Variants in PLCB1 observed in about 807,000 individuals in gnomAD.
PLCB1 encodes phospholipase C beta 1.
Under a neutral mutation model 161.8 loss-of-function variants are expected in PLCB1, and 46 were observed. The observed-to-expected ratio is 0.28, with a 90% CI of 0.22 to 0.36. PLCB1 has a LOEUF of 0.36. Ranked by LOEUF, PLCB1 falls within the 10% of genes least tolerant of loss-of-function variation. The pLI is 1.00. For missense variants in PLCB1, 1,016 were observed against 1,472.5 expected, an observed-to-expected ratio of 0.69 and a Z score of 5.07; for synonymous variants, 517 against 503.7, an observed-to-expected ratio of 1.03 and a Z score of -0.35.
chr20:8,204,076 T>G (rs6118111), intron 2 of PLCB1, among the ~76,000 whole-genome samples: 2,758 of 152,134 alleles, frequency 0.018, 103 homozygotes, highest in African/African-American at 0.063. Flanking sequence ...AAAATAGAAT[T>G]TTGGTTTCTT....
intron 2 of PLCB1, among the ~76,000 whole-genome samples, chr20:8,340,939 A>G (rs573490438): frequency 2.0e-5 from 3 of 152,238 alleles, no homozygotes; most frequent in South Asian, 2.1e-4. Context: ...CCTGCTGCCC[A>G]CTTTGTTCCA....
At chr20:8,418,193 T>G (rs1979384958) in intron 3 of PLCB1, among the ~76,000 whole-genome samples, 1 of 152,238 alleles carries the variant, frequency 6.6e-6, no homozygotes, top group Admixed American at 6.5e-5. Context: ...ACAGTTCAGT[T>G]AAGTCCCAAA....
intron 3 of PLCB1, among the ~76,000 whole-genome samples, chr20:8,531,500 C>T (rs2423363): frequency 0.94 from 143,158 of 152,106 alleles, 67,465 homozygotes; most frequent in East Asian, 1. Flanking sequence ...TGTATGTATG[C>T]ATTCCTTGTG....
intron 3 of PLCB1, among the ~76,000 whole-genome samples, chr20:8,560,547 A>C (rs1986109004): frequency 6.6e-6 from 1 of 152,052 alleles, no homozygotes; most frequent in African/African-American, 2.4e-5. Context: ...GTATTGTTGA[A>C]AAACGTCTAG....
chr20:8,632,739 T>G (rs575382061), intron 4 of PLCB1, among the ~76,000 whole-genome samples: 2 of 152,146 alleles, frequency 1.3e-5, no homozygotes, highest in African/African-American at 2.4e-5. Flanking sequence ...AAAGATAGTC[T>G]GGTGTACTTT....
intron 3 of PLCB1, among the ~76,000 whole-genome samples, chr20:8,547,430 A>C (rs1046803631): frequency 6.6e-6 from 1 of 152,174 alleles, no homozygotes; most frequent in Non-Finnish European, 1.5e-5. Context: ...ACATATGTCA[A>C]ATGCATTACA....
At chr20:8,285,538 G>A (rs1983076666) in intron 2 of PLCB1, among the ~76,000 whole-genome samples, 1 of 151,998 alleles carries the variant, frequency 6.6e-6, no homozygotes, top group Non-Finnish European at 1.5e-5. Flanking sequence ...AGGTTCATGT[G>A]GCTGGTTCAT....
At chr20:8,289,020 G>T (rs553438136) in intron 2 of PLCB1, among the ~76,000 whole-genome samples, 1 of 152,210 alleles carries the variant, frequency 6.6e-6, no homozygotes, top group South Asian at 2.1e-4. Context: ...GAGTAGGGGC[G>T]GGATGAGGTA....
intron 3 of PLCB1, among the ~76,000 whole-genome samples, chr20:8,427,423 C>A (rs1442988338): frequency 6.6e-6 from 1 of 152,148 alleles, no homozygotes; most frequent in Non-Finnish European, 1.5e-5. Flanking sequence ...AAAATACAGA[C>A]ATCAGCTGGA....
At chr20:8,740,216 A>G in intron 21 of PLCB1, 128 bp from the exon 22 acceptor site, 1 of 601,116 alleles carries the variant, frequency 1.7e-6, no homozygotes, top group Non-Finnish European at 2.9e-6. Context: ...TGTTATTAAA[A>G]TGAAAAAAGT....
chr20:8,513,757 C>T (rs1470745433), intron 3 of PLCB1, among the ~76,000 whole-genome samples: 3 of 152,104 alleles, frequency 2.0e-5, no homozygotes, highest in South Asian at 4.1e-4. Context: ...TGCTTGTAAT[C>T]CCAGCACTTT....
chr20:8,530,625 G>T (rs564353064), intron 3 of PLCB1, among the ~76,000 whole-genome samples: 1 of 151,962 alleles, frequency 6.6e-6, no homozygotes, highest in Non-Finnish European at 1.5e-5. Context: ...TAGGTTTTAC[G>T]AATGCCCACA....
At chr20:8,461,685 CA>C (rs1981582854) in intron 3 of PLCB1, among the ~76,000 whole-genome samples, 1 of 152,104 alleles carries the variant, frequency 6.6e-6, no homozygotes, top group South Asian at 2.1e-4. Flanking sequence ...CACAAAACTA[CA>C]TGCAGTTTTG....
intron 3 of PLCB1, among the ~76,000 whole-genome samples, chr20:8,513,324 C>T (rs1453722178): frequency 6.6e-6 from 1 of 152,138 alleles, no homozygotes; most frequent in Non-Finnish European, 1.5e-5. Context: ...CCTGGATGTA[C>T]ATGTGTTATG....
At chr20:8,511,550 G>A (rs1231673888) in intron 3 of PLCB1, among the ~76,000 whole-genome samples, 4 of 152,056 alleles carry the variant, frequency 2.6e-5, no homozygotes, top group African/African-American at 4.8e-5. Context: ...AATGAGATTG[G>A]TGAATTCTAG....
At chr20:8,350,295 A>G (rs1324899683) in intron 2 of PLCB1, among the ~76,000 whole-genome samples, 1 of 152,074 alleles carries the variant, frequency 6.6e-6, no homozygotes, top group East Asian at 1.9e-4. Context: ...CAGTGTGTCC[A>G]TGTGTACTCA....
intron 2 of PLCB1, among the ~76,000 whole-genome samples, chr20:8,305,183 A>G (rs1984079429): frequency 6.6e-6 from 1 of 152,176 alleles, no homozygotes; most frequent in Non-Finnish European, 1.5e-5. Context: ...ACTCGTGGCC[A>G]TTTATTCCTT....
intron 2 of PLCB1, among the ~76,000 whole-genome samples, chr20:8,214,340 G>A (rs776091199): frequency 7.2e-5 from 11 of 152,020 alleles, no homozygotes; most frequent in Non-Finnish European, 1.2e-4. Flanking sequence ...CTGTCCTCAC[G>A]ACAGTGATTG....
At chr20:8,661,962 A>G (rs1989639657) in intron 9 of PLCB1, among the ~76,000 whole-genome samples, 1 of 45,128 alleles carries the variant, frequency 2.2e-5, no homozygotes, top group Non-Finnish European at 5.4e-5. Flanking sequence ...TAATTATATA[A>G]TTATTTATTA....
Sources: gnomAD v4.1 joint callset for allele counts (sites outside exome capture counted in the v4.1 genomes callset) on GRCh38, gnomAD v4.1.1 for gene constraint, MANE v1.5 for transcripts, NCBI Gene and HGNC (gene_info 2026-07-23, HGNC 2026-07-21) for gene names.